Variants in NIPSNAP3B observed in about 807,000 individuals in gnomAD.
NIPSNAP3B encodes the protein protein NipSnap homolog 3B.
Under a neutral mutation model 31.5 loss-of-function variants are expected in NIPSNAP3B, and 30 were observed. The ratio of observed to expected loss-of-function variants is 0.95; its 90% CI spans 0.71 to 1.29. The LOEUF (loss-of-function observed/expected upper bound fraction) is 1.29. Among genes scored for constraint, NIPSNAP3B ranks in the 50% most tolerant of loss-of-function variants. The pLI is 0.00. For missense variants in NIPSNAP3B, 269 were observed against 300.7 expected (o/e 0.89, Z 0.78); for synonymous variants, 106 against 107.9 (o/e 0.98, Z 0.11).
In NIPSNAP3B at chr9:104,768,894, A is replaced by G. The variant is rs1423740406; in HGVS notation, c.303A>G (p.Lys101=). The change falls in exon 3 of 6, where the codon AAA becomes AAG. Residue 101 remains lysine, a synonymous_variant. Coordinates refer to ENST00000374762, the MANE Select transcript of NIPSNAP3B (RefSeq NM_018376.4). The part of the protein sequence containing the change: ...DNFAHRAEVR[K]ALANCKEWQE... ...TTGCTCATCGAGCTGAAGTTCGGAA[A>G]GCCTTAGCCAACTGTAAGGAATGGC... is the stretch of plus-strand genomic sequence containing the variant. The G allele has an allele frequency of 1.9e-6, 3 of 1,609,432 alleles. No individual in the cohort carries two copies. The highest frequency in any genetic ancestry group is 2.5e-6 in the Non-Finnish European group (3 of 1,178,354).
At chr9:104,789,695 C>A in the NIPSNAP3B span, among the ~76,000 whole-genome samples, 1 of 152,310 alleles carries the variant, frequency 6.6e-6, no homozygotes, top group Non-Finnish European at 1.5e-5. Flanking sequence ...CATGTGTCTA[C>A]ATGTCTGTGT....
chr9:104,781,852 ATAGAGTTGGT>A (rs1264147617), downstream of NIPSNAP3B: 1 of 152,484 alleles, frequency 6.6e-6, no homozygotes, highest in Non-Finnish European at 1.5e-5. Flanking sequence ...TTGATTGAGT[ATAGAGTTGGT>A]AAAAATTTCT....
At chr9:104,790,123 C>T in the NIPSNAP3B span, among the ~76,000 whole-genome samples, 1 of 151,724 alleles carries the variant, frequency 6.6e-6, no homozygotes, top group South Asian at 2.1e-4. Context: ...AGAGAAGCCC[C>T]ACATATTTAA....
Position 104,772,849 on chromosome 9 carries a change from CAG to C in NIPSNAP3B, c.610_611del (p.Asp204Ter), listed in dbSNP as rs1828253822. The C allele has an allele frequency of 6.2e-7, 1 of 1,613,232 alleles. No homozygotes were observed. The highest frequency in any genetic ancestry group is 8.5e-7 in the Non-Finnish European group (1 of 1,179,668). On this transcript the variant is annotated frameshift_variant, in exon 5 of 6. Transcript: ENST00000374762. LOFTEE classifies it high-confidence loss of function. ...CATGTTCTTTGGTGGAATGAGAGTG[CAG>C]ATAGTCGTGCAGCTGGGAGACATAA... is the stretch of plus-strand genomic sequence containing the variant.
Position 104,775,799 on chromosome 9 carries a change from C to T in NIPSNAP3B, c.*2726C>T, listed in dbSNP as rs1184186836. On this transcript the variant is annotated 3_prime_UTR_variant, in exon 6 of 6. Transcript: ENST00000374762. Reference sequence around the variant, plus strand: ...ACTCCAGGTTTCTGTTTTGCTCAGGCCACAGACTTCAGAGTCATTCTCACA... The same window carrying T: ...ACTCCAGGTTTCTGTTTTGCTCAGGTCACAGACTTCAGAGTCATTCTCACA... Among the ~76,000 whole-genome samples, 1 of 152,146 alleles carries T rather than the reference C, an allele frequency of 6.6e-6. No individual in the cohort carries two copies. Among genetic ancestry groups the T allele is most frequent in the Admixed American group, 6.5e-5 (1 of 15,282 alleles).
the NIPSNAP3B span, chr9:104,788,128 T>C: frequency 1.3e-6 from 2 of 1,481,712 alleles, no homozygotes. Flanking sequence ...CATACATGTA[T>C]GAAAGTTCTT....
In NIPSNAP3B at chr9:104,764,579, G is replaced by A. The variant is rs542262582; in HGVS notation, c.60+279G>A. Among the ~76,000 whole-genome samples the A allele has an allele frequency of 1.7e-4, 26 of 152,272 alleles. 1 individual carries two copies. The highest frequency in any genetic ancestry group is 1.7e-3 in the South Asian group (8 of 4,812). ...TTTTGAGACGGAGTCTCGCTCTGTC[G>A]CCCAGGCTGGAGTGCAGTGGCGTAG... is the stretch of plus-strand genomic sequence containing the variant. On this transcript the variant is annotated intron_variant, in intron 1 of 5. Transcript: ENST00000374762.
At chr9:104,769,940 A>G (rs1564058089) in intron 3 of NIPSNAP3B, among the ~76,000 whole-genome samples, 3 of 152,178 alleles carry the variant, frequency 2.0e-5, no homozygotes, top group Non-Finnish European at 1.5e-5. Flanking sequence ...CCTCTATCTA[A>G]TTTTAAACAG....
At chr9:104,785,777 AC>A in the NIPSNAP3B span, 1 of 951,820 alleles carries the variant, frequency 1.1e-6, no homozygotes, top group South Asian at 1.5e-5. Context: ...GAGAGAAGGA[AC>A]CAGTTATCAT....
chr9:104,786,011 C>T, the NIPSNAP3B span, among the ~76,000 whole-genome samples: 1 of 152,148 alleles, frequency 6.6e-6, no homozygotes, highest in African/African-American at 2.4e-5. Context: ...AGTACTGGCA[C>T]ATGTAAATTT....
chr9:104,777,576 T>G lies in NIPSNAP3B; in HGVS notation c.*4503T>G, dbSNP rs994694572. 6.6e-6 allele frequency: 1 copy of G among 152,252 alleles called. No individual in the cohort carries two copies. Among genetic ancestry groups the G allele is most frequent in the African/African-American group, 2.4e-5 (1 of 41,464 alleles). The allele number at this position is 152,252 out of a possible 1,614,324, so 9.4% of individuals were successfully genotyped here. A position where few individuals can be genotyped will look rare whatever the true frequency, so the allele number is the denominator to read the frequency against. On this transcript the variant is annotated 3_prime_UTR_variant, in exon 6 of 6. Coordinates refer to ENST00000374762, the MANE Select transcript of NIPSNAP3B (RefSeq NM_018376.4). ...TGGAAGTTTTTGAATCACAGGCTTC[T>G]GCCTTGAAAGGGCAAGTCCGTGGTG...
chr9:104,790,850 T>A, the NIPSNAP3B span: 1 of 1,088,098 alleles, frequency 9.2e-7, no homozygotes. Context: ...TAATCAAAAA[T>A]AACAACCTAT....
intron 1 of NIPSNAP3B, among the ~76,000 whole-genome samples, chr9:104,765,048 C>T (rs1030554809): frequency 6.6e-6 from 1 of 152,040 alleles, no homozygotes; most frequent in African/African-American, 2.4e-5. Context: ...TTTTTATTTT[C>T]AGAATTTGAT....
At chr9:104,789,378 C>T in the NIPSNAP3B span, among the ~76,000 whole-genome samples, 4,589 of 152,310 alleles carry the variant, frequency 0.03, 256 homozygotes, top group African/African-American at 0.1. Flanking sequence ...AGTTGTGCAG[C>T]GCTAGGCCTG....
the NIPSNAP3B span, among the ~76,000 whole-genome samples, chr9:104,790,666 C>T: frequency 6.6e-6 from 1 of 151,958 alleles, no homozygotes; most frequent in Non-Finnish European, 1.5e-5. Flanking sequence ...AAAAAACAAG[C>T]AAATTATATT....
downstream of NIPSNAP3B, chr9:104,782,539 G>C (rs935667875): frequency 6.6e-6 from 1 of 152,060 alleles, no homozygotes; most frequent in African/African-American, 2.4e-5. Flanking sequence ...TAGTGAAACA[G>C]TATTTTTACA....
At chr9:104,767,407 A>C (rs983239352) in intron 2 of NIPSNAP3B, among the ~76,000 whole-genome samples, 2 of 152,156 alleles carry the variant, frequency 1.3e-5, no homozygotes, top group African/African-American at 4.8e-5. Context: ...TGTTACTTCC[A>C]TGTCTGTTCT....
chr9:104,782,627 T>C (rs527812785), downstream of NIPSNAP3B: 26 of 152,208 alleles, frequency 1.7e-4, no homozygotes, highest in Non-Finnish European at 2.6e-4. Context: ...TTGTTGTTTT[T>C]ATATTTTTCT....
chr9:104,784,935 C>T, the NIPSNAP3B span, among the ~76,000 whole-genome samples: 40 of 152,148 alleles, frequency 2.6e-4, no homozygotes, highest in African/African-American at 5.3e-4. Context: ...TGAGCCACCA[C>T]GCCCGGCCAA....
Sources: gnomAD v4.1 joint callset for allele counts (sites outside exome capture counted in the v4.1 genomes callset) on GRCh38, gnomAD v4.1.1 for gene constraint, MANE v1.5 for transcripts, NCBI Gene and HGNC (gene_info 2026-07-23, HGNC 2026-07-21) for gene names.